The following ZNF385B variants were observed in gnomAD, a reference collection of about 807,000 sequenced individuals.
ZNF385B encodes zinc finger protein 533.
In ZNF385B, 23 loss-of-function variants were observed where a neutral mutation model predicts 39.2. The observed-to-expected ratio is 0.59, with a 90% CI of 0.42 to 0.83. The LOEUF (loss-of-function observed/expected upper bound fraction) is 0.83. Among genes scored for constraint, ZNF385B ranks in the 40% least tolerant of loss-of-function variants. The pLI is 0.00. For missense variants in ZNF385B, 552 were observed against 598.9 expected (o/e 0.92, Z 0.82); for synonymous variants, 205 against 222.6 (o/e 0.92, Z 0.70).
At chr2:179,524,539 G>C (rs1355733623) in intron 4 of ZNF385B, among the ~76,000 whole-genome samples, 3 of 98,798 alleles carry the variant, frequency 3.0e-5, no homozygotes, top group Non-Finnish European at 5.4e-5. Context: ...GTGACAGAGC[G>C]AGACTCCGTC....
intron 3 of ZNF385B, among the ~76,000 whole-genome samples, chr2:179,567,674 G>A (rs1684754734): frequency 6.6e-6 from 1 of 152,174 alleles, no homozygotes; most frequent in African/African-American, 2.4e-5. Flanking sequence ...ACAAAAGTGG[G>A]CTAGAAGAGC....
chr2:179,444,627 A>C lies in ZNF385B; in HGVS notation c.1242+249T>G, dbSNP rs187509862. ...TGAGCCTTTACTTTATATGCTAAAG[A>C]GGATAGTCTTTTGAAAACAACTTGG... is the stretch of plus-strand genomic sequence containing the variant. On this transcript the variant is annotated intron_variant, in intron 9 of 9. Transcript: ENST00000410066. Among the ~76,000 whole-genome samples the C allele has an allele frequency of 1.5e-3, 226 of 152,296 alleles. 3 individuals carry two copies. Among genetic ancestry groups the C allele is most frequent in the Non-Finnish European group, 7.9e-4 (54 of 68,028 alleles).
chr2:179,638,693 C>T lies in ZNF385B; in HGVS notation c.299-93724G>A, dbSNP rs565343429. ...AGCCACTCCAGGAGCAATACGCAAACCGACTATCTAGATTTGGGTTTCTGA... is the reference window on the plus strand; with the variant it reads ...AGCCACTCCAGGAGCAATACGCAAATCGACTATCTAGATTTGGGTTTCTGA... On this transcript the variant is annotated intron_variant, in intron 3 of 9. Coordinates refer to ENST00000410066, the MANE Select transcript of ZNF385B (RefSeq NM_152520.6). 2.6e-5 allele frequency among the ~76,000 whole-genome samples: 4 copies of T among 152,218 alleles called. No individual in the cohort carries two copies. In the South Asian group the frequency reaches 8.3e-4, roughly 32 times the overall value.
chr2:179,689,380 T>C (rs1698168590), intron 3 of ZNF385B, among the ~76,000 whole-genome samples: 1 of 152,096 alleles, frequency 6.6e-6, no homozygotes. Flanking sequence ...AGAACAGAGT[T>C]GGAAAGAACC....
At chr2:179,817,145 T>C (rs1707118679) in intron 1 of ZNF385B, among the ~76,000 whole-genome samples, 1 of 152,218 alleles carries the variant, frequency 6.6e-6, no homozygotes, top group Non-Finnish European at 1.5e-5. Context: ...GCCCACCTTT[T>C]CATTGTCTCC....
chr2:179,604,859 T>G (rs1437926447), intron 3 of ZNF385B, among the ~76,000 whole-genome samples: 1 of 152,130 alleles, frequency 6.6e-6, no homozygotes, highest in East Asian at 1.9e-4. Context: ...TACAAATACC[T>G]TTTAACTGAA....
At position 179,700,228 on chromosome 2, in the gene ZNF385B, T is replaced by G. The variant is rs552241004; in HGVS notation, c.298+69275A>C. Reference sequence around the variant, plus strand: ...TTCTCTGTACTAACTCCTCAAGTTCTGCAGCCCATGACTTCAAAATGTACC... The same window carrying G: ...TTCTCTGTACTAACTCCTCAAGTTCGGCAGCCCATGACTTCAAAATGTACC... On this transcript the variant is annotated intron_variant, in intron 3 of 9. Transcript: ENST00000410066. Among the ~76,000 whole-genome samples the G allele has an allele frequency of 5.9e-5, 9 of 152,328 alleles. No homozygotes were observed. The East Asian group carries it at 1.7e-3, about 29-fold the overall frequency.
At chr2:179,561,873 C>T (rs576030225) in intron 3 of ZNF385B, among the ~76,000 whole-genome samples, 23 of 152,236 alleles carry the variant, frequency 1.5e-4, no homozygotes, top group Admixed American at 3.9e-4. Flanking sequence ...AACATTAAAA[C>T]TTGAAATGGT....
intron 6 of ZNF385B, among the ~76,000 whole-genome samples, chr2:179,481,957 GT>G (rs1194560108): frequency 6.6e-6 from 1 of 152,176 alleles, no homozygotes; most frequent in African/African-American, 2.4e-5. Flanking sequence ...ATGTCAGAAG[GT>G]TTTGTTCTTT....
In ZNF385B at chr2:179,807,929, AGAAGGAAG is replaced by A. The variant is rs1553538062; in HGVS notation, c.-154-37265_-154-37258del. ...AAGAAAGAAAGAAAGAAAGAAAGAAAGAAGGAAGGAAGGAAGGAAGGAAAGAATACAGC... is the reference window on the plus strand; with the variant it reads ...AAGAAAGAAAGAAAGAAAGAAAGAAAGAAGGAAGGAAGGAAAGAATACAGC... On this transcript the variant is annotated intron_variant, in intron 1 of 9. Coordinates refer to ENST00000410066, the MANE Select transcript of ZNF385B (RefSeq NM_152520.6). Among the ~76,000 whole-genome samples the A allele has an allele frequency of 3.8e-4, 44 of 116,408 alleles. 1 individual carries two copies. Among genetic ancestry groups the A allele is most frequent in the African/African-American group, 1.2e-3 (42 of 34,206 alleles). The allele number at this position is 116,408 out of a possible 152,430, so 76.4% of individuals were successfully genotyped here. A position where few individuals can be genotyped will look rare whatever the true frequency, so the allele number is the denominator to read the frequency against.
At chr2:179,527,162 T>A (rs1316602586) in intron 4 of ZNF385B, among the ~76,000 whole-genome samples, 1 of 152,224 alleles carries the variant, frequency 6.6e-6, no homozygotes, top group Non-Finnish European at 1.5e-5. Flanking sequence ...TAATAGCTGC[T>A]GAAATTAAGC....
At chr2:179,758,939 G>A (rs1703206055) in intron 3 of ZNF385B, among the ~76,000 whole-genome samples, 1 of 152,142 alleles carries the variant, frequency 6.6e-6, no homozygotes, top group African/African-American at 2.4e-5. Context: ...GAAAGCTTCT[G>A]CCGACCTTTC....
intron 3 of ZNF385B, among the ~76,000 whole-genome samples, chr2:179,714,195 T>C (rs1229655317): frequency 2.0e-5 from 3 of 152,190 alleles, no homozygotes; most frequent in Admixed American, 1.3e-4. Context: ...GCTGGAATAA[T>C]ACCACTACAA....
At chr2:179,516,164 ACATAG>A (rs2058078035) in intron 5 of ZNF385B, among the ~76,000 whole-genome samples, 1 of 151,902 alleles carries the variant, frequency 6.6e-6, no homozygotes, top group Non-Finnish European at 1.5e-5. Flanking sequence ...TATGGCTTTA[ACATAG>A]TTTGTTTATT....
chr2:179,582,797 G>T (rs2106039941), intron 3 of ZNF385B, among the ~76,000 whole-genome samples: 1 of 152,308 alleles, frequency 6.6e-6, no homozygotes, highest in East Asian at 1.9e-4. Context: ...TTCTGCTAAT[G>T]TCAACATCTT....
intron 3 of ZNF385B, among the ~76,000 whole-genome samples, chr2:179,630,207 C>T (rs983168778): frequency 6.6e-6 from 1 of 152,258 alleles, no homozygotes; most frequent in Admixed American, 6.5e-5. Context: ...GACAGAATGC[C>T]TCCTCAAATG....
intron 3 of ZNF385B, among the ~76,000 whole-genome samples, chr2:179,714,689 T>C (rs1474040075): frequency 1.3e-5 from 2 of 152,030 alleles, no homozygotes; most frequent in African/African-American, 4.8e-5. Flanking sequence ...CTCACGCCTG[T>C]AATCCCAGCA....
intron 1 of ZNF385B, among the ~76,000 whole-genome samples, chr2:179,839,259 A>T (rs759170949): frequency 3.3e-5 from 5 of 151,960 alleles, no homozygotes; most frequent in Non-Finnish European, 7.4e-5. Context: ...ACTCCAATTA[A>T]CCTCCCAACA....
At chr2:179,505,702 G>A (rs537461439) in intron 5 of ZNF385B, among the ~76,000 whole-genome samples, 4 of 152,166 alleles carry the variant, frequency 2.6e-5, no homozygotes, top group Admixed American at 6.5e-5. Context: ...AATGTAACAC[G>A]TATTTAAAGC....
Sources: gnomAD v4.1 joint callset for allele counts (sites outside exome capture counted in the v4.1 genomes callset) on GRCh38, gnomAD v4.1.1 for gene constraint, MANE v1.5 for transcripts, NCBI Gene and HGNC (gene_info 2026-07-23, HGNC 2026-07-21) for gene names.